CAMK1G: variants seen among roughly 807,000 people sequenced by gnomAD.
CAMK1G encodes the protein calcium/calmodulin-dependent protein kinase type 1G.
Under a neutral mutation model 54.8 loss-of-function variants are expected in CAMK1G, and 27 were observed. The observed-to-expected ratio is 0.49, with a 90% CI of 0.36 to 0.68. The LOEUF is 0.68. CAMK1G is among the 30% of genes least tolerant of loss of function. The pLI, the probability that CAMK1G is intolerant of heterozygous loss-of-function variation, is 0.00. For synonymous variants in CAMK1G, 238 were observed against 224.9 expected (o/e 1.06, Z -0.52); for missense variants, 512 against 591.0 (o/e 0.87, Z 1.39).
In CAMK1G at chr1:209,612,208, C is replaced by T. The variant is rs769807413; in HGVS notation, c.1332C>T (p.Asn444=). 11 of 1,612,066 alleles carry T rather than the reference C, an allele frequency of 6.8e-6. No homozygotes were observed. Among genetic ancestry groups the T allele is most frequent in the Non-Finnish European group, 7.6e-6 (9 of 1,179,260 alleles). ...CSEPTLLKKA[N]KKQNFKSEVM... Reference sequence around the variant, plus strand: ...AGCCCACACTCCTCAAAAAGGCCAACAAAAAACAGTACGTATTTTTAGCCA... The same window carrying T: ...AGCCCACACTCCTCAAAAAGGCCAATAAAAAACAGTACGTATTTTTAGCCA... The change falls in exon 11 of 13, where the codon AAC becomes AAT. Residue 444 remains asparagine, a synonymous_variant. Coordinates refer to ENST00000361322, the MANE Select transcript of CAMK1G (RefSeq NM_020439.3).
chr1:209,591,914 C>T (rs947934474), intron 1 of CAMK1G, among the ~76,000 whole-genome samples: 25 of 152,144 alleles, frequency 1.6e-4, no homozygotes, highest in African/African-American at 3.1e-4. Flanking sequence ...GCCAGCTGGC[C>T]GTGACCTGCT....
intron 1 of CAMK1G, among the ~76,000 whole-genome samples, chr1:209,594,698 G>A (rs913349198): frequency 1.3e-5 from 2 of 152,338 alleles, no homozygotes; most frequent in Admixed American, 6.5e-5. Context: ...ATCTACACAC[G>A]TACTTACTAT....
At position 209,606,293 on chromosome 1, in the gene CAMK1G, C is replaced by T. The variant is rs376936834; in HGVS notation, c.436-27C>T. The T allele has an allele frequency of 5.0e-6, 8 of 1,612,078 alleles. No individual in the cohort carries two copies. The African/African-American group carries it at 8.0e-5, about 16-fold the overall frequency. ...AATACTTGCTTCAGGTGGTTATATC[C>T]TACACTACATATTTTTTCTCCTACA... On this transcript the variant is annotated intron_variant, in intron 5 of 12. Transcript: ENST00000361322.
rs946670378 is a variant in CAMK1G at position 209,603,332 on chromosome 1, G to T, written c.296+44G>T. The T allele has an allele frequency of 4.6e-6, 7 of 1,515,352 alleles. No homozygotes were observed. The African/African-American group carries it at 9.6e-5, about 21-fold the overall frequency. The allele number at this position is 1,515,352 out of a possible 1,614,324, so 93.9% of individuals were successfully genotyped here. A position where few individuals can be genotyped will look rare whatever the true frequency, so the allele number is the denominator to read the frequency against. ...GCTTCCTTCACAGAGGCCTGGTGGG[G>T]CCTGGGAGGCCTACAGGAGGTTGGT... On this transcript the variant is annotated intron_variant, in intron 4 of 12. Transcript: ENST00000361322.
chr1:209,599,018 G>A (rs1291711103), intron 2 of CAMK1G, among the ~76,000 whole-genome samples: 2 of 152,188 alleles, frequency 1.3e-5, no homozygotes, highest in Non-Finnish European at 2.9e-5. Context: ...GCATGGCTGA[G>A]GTGGCCCCAG....
intron 4 of CAMK1G, among the ~76,000 whole-genome samples, chr1:209,604,459 G>C (rs571766771): frequency 2.6e-5 from 4 of 152,332 alleles, no homozygotes; most frequent in Admixed American, 6.5e-5. Flanking sequence ...TCTGTACAAA[G>C]AGTGTATTTC....
chr1:209,593,326 G>A (rs1665302904), intron 1 of CAMK1G, among the ~76,000 whole-genome samples: 1 of 152,206 alleles, frequency 6.6e-6, no homozygotes, highest in Admixed American at 6.5e-5. Context: ...GGGGAAGGAA[G>A]GTTATTGCCC....
At chr1:209,612,944 G>C (rs931780434) in intron 12 of CAMK1G, 32 bp downstream of exon 12, 2 of 1,154,184 alleles carry the variant, frequency 1.7e-6, no homozygotes, top group South Asian at 1.2e-5. Context: ...GGCTTGGGGA[G>C]AGTTTCTGTC....
intron 3 of CAMK1G, 62 bp from the exon 4 acceptor site, chr1:209,603,152 T>C (rs1174698744): frequency 1.3e-6 from 2 of 1,558,528 alleles, no homozygotes; most frequent in African/African-American, 2.7e-5. Flanking sequence ...GGGCTAGGTC[T>C]GCATTATTTG....
rs1571784301 is a variant in CAMK1G, at chr1:209,606,553, A to T, written c.559+110A>T. ...AACATAGGGTTCAACTTCAGGGGCTATCCTGGTAGGACATCCACTTATAAA... is the reference window on the plus strand; with the variant it reads ...AACATAGGGTTCAACTTCAGGGGCTTTCCTGGTAGGACATCCACTTATAAA... On this transcript the variant is annotated intron_variant, in intron 6 of 12. Transcript: ENST00000361322. 7.3e-6 allele frequency: 9 copies of T among 1,230,646 alleles called. No homozygotes were observed. In the East Asian group the frequency reaches 2.2e-4, roughly 29 times the overall value. The allele number at this position is 1,230,646 out of a possible 1,614,324, so 76.2% of individuals were successfully genotyped here.
At chr1:209,592,674 G>A (rs1446931080) in intron 1 of CAMK1G, among the ~76,000 whole-genome samples, 1 of 152,188 alleles carries the variant, frequency 6.6e-6, no homozygotes, top group East Asian at 1.9e-4. Context: ...CCAAGAGAGC[G>A]AAAGCAAAGA....
At chr1:209,592,966 A>G (rs868529394) in intron 1 of CAMK1G, among the ~76,000 whole-genome samples, 27 of 152,210 alleles carry the variant, frequency 1.8e-4, no homozygotes, top group Admixed American at 1.4e-3. Context: ...CTCTGTTACA[A>G]CTGTTTAAGA....
In CAMK1G at chr1:209,607,948, G is replaced by T. The variant is rs371862016; in HGVS notation, c.635+15G>T. ...ACCTACATATTGTGAGTAGACGCTG[G>T]CCTGGGTTCAGCTGATGAGAAGTCT... On this transcript the variant is annotated intron_variant, in intron 7 of 12. Transcript: ENST00000361322. 5.4e-4 allele frequency: 867 copies of T among 1,601,450 alleles called. 13 individuals are homozygous for T. The South Asian group carries it at 8.8e-3, about 16-fold the overall frequency.
At chr1:209,609,752 C>A in intron 8 of CAMK1G, 99 bp from the exon 9 acceptor site, 1 of 1,175,966 alleles carries the variant, frequency 8.5e-7, no homozygotes, top group South Asian at 1.2e-5. Context: ...GGAAGATCAG[C>A]TAAAGATGCA....
chr1:209,601,615 A>G (rs1281281285), intron 3 of CAMK1G, among the ~76,000 whole-genome samples: 1 of 152,228 alleles, frequency 6.6e-6, no homozygotes, highest in Non-Finnish European at 1.5e-5. Flanking sequence ...ATTGCCTTGT[A>G]TCAACAGTAT....
At chr1:209,607,704 C>T in intron 6 of CAMK1G, 154 bp from the exon 7 acceptor site, 1 of 620,986 alleles carries the variant, frequency 1.6e-6, no homozygotes, top group Non-Finnish European at 2.9e-6. Flanking sequence ...CCAGAAGAGA[C>T]ACAGCCCCTA....
At position 209,612,802 on chromosome 1, in the gene CAMK1G, T is replaced by C. The variant is rs754363636; in HGVS notation, c.1358T>C (p.Val453Ala). Reference protein sequence around the residue: ...ANKKQNFKSEVMVPVKASGSS... With the variant: ...ANKKQNFKSEAMVPVKASGSS... ...CTTTCTAGGAACTTCAAGTCGGAGG[T>C]CATGGTACCAGTTAAAGCCAGTGGC... The change falls in exon 12 of 13, where the codon GTC (valine) becomes GCC (alanine). Residue 453 changes from valine (V) to alanine (A), a missense_variant. By Grantham distance (64) the Val-to-Ala change is moderately conservative. Coordinates refer to ENST00000361322, the MANE Select transcript of CAMK1G (RefSeq NM_020439.3). 6.2e-7 allele frequency: 1 copy of C among 1,614,006 alleles called. No individual in the cohort carries two copies. Among genetic ancestry groups the C allele is most frequent in the South Asian group, 1.1e-5 (1 of 91,066 alleles).
rs748689663 is a variant in CAMK1G, at chr1:209,600,038, G to T, written c.148G>T (p.Ala50Ser). The T allele has an allele frequency of 6.2e-7, 1 of 1,613,984 alleles. No homozygotes were observed. The highest frequency in any genetic ancestry group is 1.1e-5 in the South Asian group (1 of 91,082). ...VKQRLTGKLF[A>S]LKCIKKSPAF... ...GCAAAGACTGACTGGGAAGCTCTTT[G>T]CTCTGAAGTGCATCAAGAAGTCACC... Residue 50 changes from alanine (A) to serine (S), a missense_variant, in exon 3 of 13, where the codon GCT becomes TCT. Around this residue, in one of 3 missense-constraint regions of CAMK1G, gnomAD observed 186 missense variants for 231.5 expected, o/e 0.80. Coordinates refer to ENST00000361322, the MANE Select transcript of CAMK1G (RefSeq NM_020439.3).
intron 1 of CAMK1G, among the ~76,000 whole-genome samples, chr1:209,587,159 C>G (rs1022735198): frequency 3.9e-5 from 6 of 151,908 alleles, no homozygotes; most frequent in Admixed American, 1.3e-4. Context: ...TCCAGAGCCT[C>G]AGCTTTGGCA....
Sources: gnomAD v4.1 joint callset for allele counts (sites outside exome capture counted in the v4.1 genomes callset) on GRCh38, gnomAD v4.1.1 for gene constraint, gnomAD v4.1.1 regional missense constraint, MANE v1.5 for transcripts, NCBI Gene and HGNC (gene_info 2026-07-23, HGNC 2026-07-21) for gene names.